ARMC8: variants seen among roughly 807,000 people sequenced by gnomAD.
The protein encoded by ARMC8 is armadillo repeat-containing protein 8.
Under a neutral mutation model 99.3 loss-of-function variants are expected in ARMC8, and 20 were observed. The observed-to-expected ratio is 0.20, with a 90% CI of 0.14 to 0.29. ARMC8 has a LOEUF of 0.29. Ranked by LOEUF, ARMC8 falls within the 10% of genes least tolerant of loss-of-function variation. ARMC8 has a pLI of 1.00. For missense variants in ARMC8, 569 were observed against 809.5 expected, an observed-to-expected ratio of 0.70 and a Z score of 3.60; for synonymous variants, 263 against 278.3, an observed-to-expected ratio of 0.95 and a Z score of 0.55.
At chr3:138,271,914 A>G (rs918116355) in intron 16 of ARMC8, among the ~76,000 whole-genome samples, 1 of 151,094 alleles carries the variant, frequency 6.6e-6, no homozygotes, top group African/African-American at 2.4e-5. Flanking sequence ...TTGTGCCTCA[A>G]CCTCCTGAGT....
rs747921351 is a variant in ARMC8 at position 138,281,298 on chromosome 3, C to CT, written c.1726-3120dup. 1.8e-3 allele frequency among the ~76,000 whole-genome samples: 260 copies of CT among 142,272 alleles called. 1 individual carries two copies. Among genetic ancestry groups the CT allele is most frequent in the East Asian group, 4.7e-3 (23 of 4,910 alleles). The allele number at this position is 142,272 out of a possible 152,430, so 93.3% of individuals were successfully genotyped here. A position where few individuals can be genotyped will look rare whatever the true frequency, so the allele number is the denominator to read the frequency against. On this transcript the variant is annotated intron_variant, in intron 18 of 21. Coordinates refer to ENST00000469044, the MANE Select transcript of ARMC8 (RefSeq NM_001363941.2). ...TTGGCCCAATAATTGATTTCTTTTT[C>CT]TTTTTTTTTTTTTGATAGAGAGTCT... is the stretch of plus-strand genomic sequence containing the variant.
chr3:138,260,326 G>T (rs980406822), intron 12 of ARMC8, among the ~76,000 whole-genome samples: 1 of 152,170 alleles, frequency 6.6e-6, no homozygotes, highest in African/African-American at 2.4e-5. Context: ...GATTACAAAA[G>T]ATTGGAGATA....
At chr3:138,291,299 C>T (rs920721055) in intron 21 of ARMC8, among the ~76,000 whole-genome samples, 1 of 152,238 alleles carries the variant, frequency 6.6e-6, no homozygotes, top group African/African-American at 2.4e-5. Context: ...CTCTGCCTTT[C>T]TCATCTTCTC....
intron 6 of ARMC8, among the ~76,000 whole-genome samples, chr3:138,231,894 C>G (rs953159437): frequency 6.7e-6 from 1 of 149,406 alleles, no homozygotes; most frequent in Non-Finnish European, 1.5e-5. Context: ...AATGAGAGAC[C>G]GATAAGTCTC....
At chr3:138,275,567 A>C (rs1344831693) in intron 18 of ARMC8, among the ~76,000 whole-genome samples, 1 of 152,146 alleles carries the variant, frequency 6.6e-6, no homozygotes, top group Non-Finnish European at 1.5e-5. Context: ...TCAAAAAAAA[A>C]AAAATTCATT....
rs1443867148 is a variant in ARMC8 at position 138,232,574 on chromosome 3, C to CT, written c.529-2459dup. On this transcript the variant is annotated intron_variant, in intron 6 of 21. Transcript: ENST00000469044. Reference sequence around the variant, plus strand: ...ATGTTAGTAAAAGACGGAAAACAATCTAAGTGTCTAACTATAGGGTACTAG... The same window carrying CT: ...ATGTTAGTAAAAGACGGAAAACAATCTTAAGTGTCTAACTATAGGGTACTAG... Among the ~76,000 whole-genome samples, 9 of 152,296 alleles carry CT rather than the reference C, an allele frequency of 5.9e-5. No individual in the cohort carries two copies. In the South Asian group the frequency reaches 1.0e-3, roughly 18 times the overall value.
intron 1 of ARMC8, among the ~76,000 whole-genome samples, chr3:138,197,223 T>A (rs139800862): frequency 4.9e-4 from 75 of 152,278 alleles, no homozygotes; most frequent in Non-Finnish European, 1.0e-3. Context: ...GTCTGACAGA[T>A]CTTGAGTGGT....
intron 1 of ARMC8, 79 bp from the exon 2 acceptor site, chr3:138,209,738 C>A: frequency 1.7e-6 from 2 of 1,170,702 alleles, no homozygotes; most frequent in South Asian, 1.3e-5. Context: ...ATTATCTAGT[C>A]ACTTGATATT....
chr3:138,249,126 AATG>A (rs887353353), intron 12 of ARMC8, among the ~76,000 whole-genome samples: 18 of 152,210 alleles, frequency 1.2e-4, no homozygotes, highest in African/African-American at 4.3e-4. Context: ...TGAATGAAAA[AATG>A]AACACACAGA....
In ARMC8 at chr3:138,229,134, GTATATATATATATATATATATA is replaced by G. The variant is rs71146119; in HGVS notation, c.528+152_528+173del. On this transcript the variant is annotated intron_variant, in intron 6 of 21. Transcript: ENST00000469044. Reference sequence around the variant, plus strand: ...TATAAGTAGACCTGTGTGTGTGCGTGTATATATATATATATATATATATATATATATATATATATATATATAT... The same window carrying G: ...TATAAGTAGACCTGTGTGTGTGCGTGTATATATATATATATATATATATAT... 3.2e-3 allele frequency: 250 copies of G among 78,616 alleles called. 7 individuals carry two copies. The highest frequency in any genetic ancestry group is 4.4e-3 in the Admixed American group (29 of 6,620). 4.9% of individuals were successfully genotyped at this position (78,616 alleles called of 1,614,324 possible).
chr3:138,231,790 A>G (rs570218649), intron 6 of ARMC8, among the ~76,000 whole-genome samples: 71 of 134,636 alleles, frequency 5.3e-4, no homozygotes, highest in African/African-American at 1.7e-3. Flanking sequence ...TGGGGGGGGA[A>G]AAAAAAAAGA....
Position 138,205,060 on chromosome 3 carries a change from C to CTTTTTTTTTTTTT in ARMC8, c.46-4743_46-4731dup, listed in dbSNP as rs71146118. ...AACTCAGTCTCTTTTCTTTTCTTTTCTTTTTTTTTTTTTTTTTTTTTTTTT... is the reference window on the plus strand; with the variant it reads ...AACTCAGTCTCTTTTCTTTTCTTTTCTTTTTTTTTTTTTTTTTTTTTTTTTTTTTTTTTTTTTT... On this transcript the variant is annotated intron_variant, in intron 1 of 21. Coordinates refer to ENST00000469044, the MANE Select transcript of ARMC8 (RefSeq NM_001363941.2). Among the ~76,000 whole-genome samples the CTTTTTTTTTTTTT allele has an allele frequency of 5.7e-4, 53 of 93,288 alleles. 2 individuals are homozygous for CTTTTTTTTTTTTT. Among genetic ancestry groups the CTTTTTTTTTTTTT allele is most frequent in the African/African-American group, 2.1e-3 (47 of 22,584 alleles). 61.2% of individuals were successfully genotyped at this position (93,288 alleles called of 152,430 possible). A position where few individuals can be genotyped will look rare whatever the true frequency, so the allele number is the denominator to read the frequency against.
intron 2 of ARMC8, among the ~76,000 whole-genome samples, chr3:138,211,546 A>C (rs189262900): frequency 6.6e-6 from 1 of 152,248 alleles, no homozygotes; most frequent in Non-Finnish European, 1.5e-5. Flanking sequence ...ATGTAGTTTG[A>C]TAGCCTTAGT....
At chr3:138,213,873 A>T (rs931573301) in intron 2 of ARMC8, among the ~76,000 whole-genome samples, 3 of 152,148 alleles carry the variant, frequency 2.0e-5, no homozygotes, top group Non-Finnish European at 1.5e-5. Context: ...GAAAAGATTA[A>T]CAGAGGCCAG....
At chr3:138,223,800 C>A in intron 5 of ARMC8, 67 bp downstream of exon 5, 1 of 1,295,100 alleles carries the variant, frequency 7.7e-7, no homozygotes, top group Non-Finnish European at 1.1e-6. Flanking sequence ...ATTTGCTTAG[C>A]ATCTTCAGAC....
intron 9 of ARMC8, chr3:138,239,010 C>T (rs931837123): frequency 1.9e-5 from 3 of 156,874 alleles, no homozygotes; most frequent in African/African-American, 7.2e-5. Context: ...AGCTGTGTTA[C>T]AAGTTAAATG....
intron 18 of ARMC8, among the ~76,000 whole-genome samples, chr3:138,277,731 T>A (rs1328911310): frequency 6.6e-6 from 1 of 152,202 alleles, no homozygotes. Context: ...TTTGACAGTT[T>A]CTTACAAAGT....
chr3:138,197,806 C>T (rs2043825688), intron 1 of ARMC8, among the ~76,000 whole-genome samples: 1 of 152,186 alleles, frequency 6.6e-6, no homozygotes, highest in South Asian at 2.1e-4. Flanking sequence ...TAAGCATTCT[C>T]ATCTACAGTG....
intron 7 of ARMC8, 47 bp from the exon 8 acceptor site, chr3:138,237,262 A>G: frequency 6.5e-7 from 1 of 1,539,160 alleles, no homozygotes; most frequent in East Asian, 2.2e-5. Context: ...TAAAATTTGC[A>G]TTTGCAGAAT....
Sources: gnomAD v4.1 joint callset for allele counts (sites outside exome capture counted in the v4.1 genomes callset) on GRCh38, gnomAD v4.1.1 for gene constraint, MANE v1.5 for transcripts, NCBI Gene and HGNC (gene_info 2026-07-23, HGNC 2026-07-21) for gene names.